Variants in SLC10A7 observed in about 807,000 individuals in gnomAD.
The protein encoded by SLC10A7 is solute carrier family 10 member 7, also known as sodium/bile acid cotransporter 7.
In SLC10A7, 29 loss-of-function variants were observed where a neutral mutation model predicts 43.2. The observed-to-expected ratio is 0.67, with a 90% CI of 0.50 to 0.92. The LOEUF (loss-of-function observed/expected upper bound fraction) is 0.92, where lower values mean the gene tolerates loss of function less well. Among genes scored for constraint, SLC10A7 ranks in the 40% least tolerant of loss-of-function variants. SLC10A7 has a pLI of 0.00. For missense variants in SLC10A7, 295 were observed against 403.2 expected, an observed-to-expected ratio of 0.73 and a Z score of 2.30; for synonymous variants, 152 against 144.8, an observed-to-expected ratio of 1.05 and a Z score of -0.35.
intron 4 of SLC10A7, among the ~76,000 whole-genome samples, chr4:146,478,891 C>T (rs1388050814): frequency 1.3e-5 from 2 of 152,168 alleles, no homozygotes; most frequent in East Asian, 1.9e-4. Flanking sequence ...GTCACAATAT[C>T]ACCAACATTT....
intron 4 of SLC10A7, among the ~76,000 whole-genome samples, chr4:146,484,007 A>G (rs1734713755): frequency 6.6e-6 from 1 of 152,194 alleles, no homozygotes; most frequent in South Asian, 2.1e-4. Flanking sequence ...TGAGGGGAGA[A>G]ATAGATAGCA....
chr4:146,489,415 T>C (rs1391031770), intron 4 of SLC10A7, among the ~76,000 whole-genome samples: 3 of 152,208 alleles, frequency 2.0e-5, no homozygotes, highest in Admixed American at 2.0e-4. Context: ...TTTGTGTCAG[T>C]TTTCTCATCT....
intron 6 of SLC10A7, among the ~76,000 whole-genome samples, chr4:146,317,065 T>C (rs1732376730): frequency 6.6e-6 from 1 of 152,094 alleles, no homozygotes; most frequent in Non-Finnish European, 1.5e-5. Context: ...AACCAGAATT[T>C]TATACCTTTT....
chr4:146,418,563 A>T (rs1335777183), intron 5 of SLC10A7, among the ~76,000 whole-genome samples: 1 of 152,178 alleles, frequency 6.6e-6, no homozygotes, highest in Non-Finnish European at 1.5e-5. Context: ...ATTTTTTTTA[A>T]AAAAGAATTA....
chr4:146,292,512 G>T (rs1040441333), intron 9 of SLC10A7, among the ~76,000 whole-genome samples: 6 of 152,162 alleles, frequency 3.9e-5, no homozygotes, highest in African/African-American at 1.4e-4. Flanking sequence ...GAAAGAGGCA[G>T]TTTTTGGGAA....
chr4:146,413,751 A>G (rs1560885319), intron 5 of SLC10A7, among the ~76,000 whole-genome samples: 1 of 152,204 alleles, frequency 6.6e-6, no homozygotes, highest in Non-Finnish European at 1.5e-5. Context: ...TACAGCATCA[A>G]AGTTGTTATT....
intron 4 of SLC10A7, among the ~76,000 whole-genome samples, chr4:146,446,552 G>T (rs1731098300): frequency 6.7e-6 from 1 of 149,218 alleles, no homozygotes; most frequent in Non-Finnish European, 1.5e-5. Context: ...TTCCAGCCCG[G>T]GTGACGGAGC....
intron 4 of SLC10A7, among the ~76,000 whole-genome samples, chr4:146,464,826 C>T (rs985909875): frequency 1.3e-5 from 2 of 152,024 alleles, no homozygotes; most frequent in Middle Eastern, 3.2e-3. Context: ...ATATTTAAAG[C>T]CACAGACGGT....
In SLC10A7 at chr4:146,519,089, ATATATATATATATATATATATAT is replaced by A. The variant is rs1292457033; in HGVS notation, c.101-1992_101-1970del. Among the ~76,000 whole-genome samples the A allele has an allele frequency of 2.4e-3, 283 of 120,032 alleles. 10 individuals carry two copies. Among genetic ancestry groups the A allele is most frequent in the Non-Finnish European group, 3.8e-3 (218 of 57,828 alleles). 78.7% of individuals were successfully genotyped at this position (120,032 alleles called of 152,430 possible). On this transcript the variant is annotated intron_variant, in intron 1 of 11. Transcript: ENST00000335472. ...ACCATATATATATATATATATATAT[ATATATATATATATATATATATAT>A]AATATAATATATAATTAATATATAT...
At chr4:146,509,890 CA>C in intron 3 of SLC10A7, 22 bp downstream of exon 3, 1 of 1,601,312 alleles carries the variant, frequency 6.2e-7, no homozygotes, top group Non-Finnish European at 8.5e-7. Flanking sequence ...AAAGTGGACC[CA>C]CTTTTAAAGA....
intron 4 of SLC10A7, among the ~76,000 whole-genome samples, chr4:146,453,056 T>C (rs1483436175): frequency 2.0e-5 from 3 of 151,608 alleles, no homozygotes. Flanking sequence ...TATATAAATA[T>C]ACAATCTTCA....
At chr4:146,423,775 T>G (rs1431687801) in intron 5 of SLC10A7, among the ~76,000 whole-genome samples, 1 of 152,202 alleles carries the variant, frequency 6.6e-6, no homozygotes, top group Admixed American at 6.5e-5. Flanking sequence ...CTTGTGAGTT[T>G]TATGTTTAAA....
intron 4 of SLC10A7, among the ~76,000 whole-genome samples, chr4:146,448,693 A>G (rs1731323844): frequency 6.6e-6 from 1 of 152,236 alleles, no homozygotes; most frequent in Non-Finnish European, 1.5e-5. Context: ...AATGTTTACC[A>G]AAATGTAAAA....
intron 5 of SLC10A7, chr4:146,441,960 A>T (rs866589709): frequency 1.0e-6 from 1 of 981,798 alleles, no homozygotes; most frequent in East Asian, 1.1e-4. Context: ...ACTAGTTTAT[A>T]CATCACTGAT....
intron 9 of SLC10A7, among the ~76,000 whole-genome samples, chr4:146,286,004 AAAGGACTGTGTTTGGAGTGGTGAG>A (rs1729890757): frequency 5.1e-5 from 2 of 38,848 alleles, no homozygotes; most frequent in Admixed American, 5.3e-4. Flanking sequence ...GGAGTGGTGA[AAAGGACTGTGTTTGGAGTGGTGAG>A]AAGGACTGTG....
intron 5 of SLC10A7, among the ~76,000 whole-genome samples, chr4:146,358,268 T>C (rs545310545): frequency 6.6e-6 from 1 of 152,184 alleles, no homozygotes; most frequent in African/African-American, 2.4e-5. Flanking sequence ...GGAAGAAACT[T>C]ATAATTCTCC....
chr4:146,300,227 G>T (rs1315238127), intron 7 of SLC10A7, among the ~76,000 whole-genome samples: 1 of 152,130 alleles, frequency 6.6e-6, no homozygotes, highest in Non-Finnish European at 1.5e-5. Context: ...GGTGAGGACA[G>T]GTATGGTGGC....
rs942380876 is a variant in SLC10A7 at position 146,265,633 on chromosome 4, A to C, written c.848-6796T>G. Among the ~76,000 whole-genome samples the C allele has an allele frequency of 6.6e-5, 10 of 152,296 alleles. No homozygotes were observed. In the East Asian group the frequency reaches 1.2e-3, roughly 18 times the overall value. On this transcript the variant is annotated intron_variant, in intron 10 of 11. Transcript: ENST00000335472. ...CTATATTTTTATTTTAATTTCCTGC[A>C]ACATTTAAGCACAGGGCTGGTGCTC...
Position 146,274,596 on chromosome 4 carries a change from C to T in SLC10A7, c.847+8596G>A, listed in dbSNP as rs150099258. Reference sequence around the variant, plus strand: ...TTAATACAAATGAAACTCAAAAGGACATTCGAAGTTAGGCAAAATGTGGTA... The same window carrying T: ...TTAATACAAATGAAACTCAAAAGGATATTCGAAGTTAGGCAAAATGTGGTA... On this transcript the variant is annotated intron_variant, in intron 10 of 11. Transcript: ENST00000335472. Among the ~76,000 whole-genome samples, 644 of 152,194 alleles carry T rather than the reference C, an allele frequency of 4.2e-3. 2 individuals carry two copies. Among genetic ancestry groups the T allele is most frequent in the African/African-American group, 0.014 (590 of 41,516 alleles).
Sources: gnomAD v4.1 joint callset for allele counts (sites outside exome capture counted in the v4.1 genomes callset) on GRCh38, gnomAD v4.1.1 for gene constraint, MANE v1.5 for transcripts, NCBI Gene and HGNC (gene_info 2026-07-23, HGNC 2026-07-21) for gene names.